PSD3: variants seen among roughly 807,000 people sequenced by gnomAD.
PSD3 encodes the protein pleckstrin and Sec7 domain containing 3, also known as PH and SEC7 domain-containing protein 3.
In PSD3, 49 loss-of-function variants were observed where a neutral mutation model predicts 105.5. The observed-to-expected ratio is 0.46, with a 90% CI of 0.37 to 0.59. The LOEUF is 0.59. Among genes scored for constraint, PSD3 ranks in the 20% least tolerant of loss-of-function variants. The pLI is 0.00. For missense variants in PSD3, 1,561 were observed against 1,263.8 expected, an observed-to-expected ratio of 1.24 and a Z score of -3.57; for synonymous variants, 557 against 457.8, an observed-to-expected ratio of 1.22 and a Z score of -2.77.
At chr8:18,665,727 A>C (rs1799413930) in intron 9 of PSD3, among the ~76,000 whole-genome samples, 1 of 152,130 alleles carries the variant, frequency 6.6e-6, no homozygotes, top group South Asian at 2.1e-4. Flanking sequence ...CGTGCATGCC[A>C]ATGGTCTCAG....
chr8:18,933,827 G>C (rs1821903004), intron 2 of PSD3, among the ~76,000 whole-genome samples: 1 of 152,132 alleles, frequency 6.6e-6, no homozygotes, highest in African/African-American at 2.4e-5. Flanking sequence ...GTCAGGGAAA[G>C]AGTAAACAGA....
At chr8:18,747,196 A>G (rs557440097) in intron 9 of PSD3, among the ~76,000 whole-genome samples, 1 of 152,396 alleles carries the variant, frequency 6.6e-6, no homozygotes, top group South Asian at 2.1e-4. Flanking sequence ...GCCTTTTCAT[A>G]AAAATGTATG....
chr8:18,852,076 T>C (rs79119483), intron 4 of PSD3, among the ~76,000 whole-genome samples: 2 of 152,148 alleles, frequency 1.3e-5, no homozygotes, highest in African/African-American at 4.8e-5. Flanking sequence ...TTATAAAGTA[T>C]AACAAGATTC....
intron 1 of PSD3, among the ~76,000 whole-genome samples, chr8:18,993,398 G>C: frequency 6.7e-6 from 1 of 149,508 alleles, no homozygotes; most frequent in East Asian, 1.9e-4. Context: ...AATTCTCAGA[G>C]TCTCATTGTT....
At chr8:18,557,069 G>A (rs1312894007) in intron 14 of PSD3, among the ~76,000 whole-genome samples, 1 of 152,118 alleles carries the variant, frequency 6.6e-6, no homozygotes, top group East Asian at 1.9e-4. Context: ...CATTCTAAGG[G>A]TACCATTTAT....
At chr8:18,873,640 A>G (rs1003354574) in intron 2 of PSD3, among the ~76,000 whole-genome samples, 1 of 152,124 alleles carries the variant, frequency 6.6e-6, no homozygotes, top group African/African-American at 2.4e-5. Context: ...ATTGTTATTA[A>G]CTATAGTCAC....
chr8:18,822,929 A>G (rs1563313918), intron 4 of PSD3, among the ~76,000 whole-genome samples: 1 of 151,866 alleles, frequency 6.6e-6, no homozygotes, highest in Non-Finnish European at 1.5e-5. Context: ...GCACTACCTC[A>G]CTCCCATCCA....
chr8:18,586,991 G>A (rs1803238113), intron 12 of PSD3, among the ~76,000 whole-genome samples: 1 of 152,210 alleles, frequency 6.6e-6, no homozygotes, highest in Non-Finnish European at 1.5e-5. Flanking sequence ...CTGTTACACA[G>A]GAGGCCAAAT....
At chr8:18,587,714 T>C (rs1803293804) in intron 12 of PSD3, among the ~76,000 whole-genome samples, 1 of 152,176 alleles carries the variant, frequency 6.6e-6, no homozygotes, top group Non-Finnish European at 1.5e-5. Context: ...ATTCATCTCA[T>C]TGCTTAGTGA....
At chr8:18,573,239 G>C (rs1271728025) in intron 13 of PSD3, among the ~76,000 whole-genome samples, 1 of 152,198 alleles carries the variant, frequency 6.6e-6, no homozygotes, top group Non-Finnish European at 1.5e-5. Context: ...GGAAGCCGAG[G>C]TGGGCAGATC....
At position 18,873,904 on chromosome 8, in the gene PSD3, C is replaced by G. The variant is rs1481642901; in HGVS notation, c.131-1171G>C. ...ATTAGTATATATTCACTATATTGAACCAAATTTATAATATTTTCTTGTTAA... is the reference window on the plus strand; with the variant it reads ...ATTAGTATATATTCACTATATTGAAGCAAATTTATAATATTTTCTTGTTAA... On this transcript the variant is annotated intron_variant, in intron 2 of 15. Coordinates refer to ENST00000327040, the MANE Select transcript of PSD3 (RefSeq NM_015310.4). Among the ~76,000 whole-genome samples, 3 of 152,116 alleles carry G rather than the reference C, an allele frequency of 2.0e-5. No individual in the cohort carries two copies. In the East Asian group the frequency reaches 5.8e-4, roughly 29 times the overall value.
intron 4 of PSD3, among the ~76,000 whole-genome samples, chr8:18,838,802 AAAT>A (rs55792203): frequency 0.15 from 19,284 of 131,622 alleles, 1,348 homozygotes; most frequent in African/African-American, 0.17. Flanking sequence ...ACTCCGTCTC[AAAT>A]AATAATAATA....
intron 9 of PSD3, among the ~76,000 whole-genome samples, chr8:18,695,810 G>C (rs922484732): frequency 1.8e-4 from 28 of 152,172 alleles, no homozygotes; most frequent in African/African-American, 6.5e-4. Flanking sequence ...CAGAAACTTG[G>C]AACAGATGAG....
chr8:19,037,602 T>C (rs1827986952), intron 1 of PSD3, among the ~76,000 whole-genome samples: 3 of 152,190 alleles, frequency 2.0e-5, no homozygotes, highest in Admixed American at 2.0e-4. Flanking sequence ...TGAATGGCCA[T>C]CGTCCAGTTT....
chr8:19,010,192 C>A (rs1586623837), intron 1 of PSD3, among the ~76,000 whole-genome samples: 1 of 152,088 alleles, frequency 6.6e-6, no homozygotes, highest in Non-Finnish European at 1.5e-5. Context: ...CTGCCATGGC[C>A]GCAGCCTGAC....
intron 4 of PSD3, among the ~76,000 whole-genome samples, chr8:18,863,595 T>C (rs1380492251): frequency 2.0e-5 from 3 of 152,208 alleles, no homozygotes; most frequent in Non-Finnish European, 4.4e-5. Context: ...AATTGCAGTA[T>C]TGCCATTGAA....
chr8:18,646,388 T>A (rs920779160), intron 10 of PSD3, among the ~76,000 whole-genome samples: 1 of 151,972 alleles, frequency 6.6e-6, no homozygotes, highest in Non-Finnish European at 1.5e-5. Flanking sequence ...TAGTAAGTCA[T>A]TGCAAAAAAA....
intron 12 of PSD3, among the ~76,000 whole-genome samples, chr8:18,586,074 C>A (rs1201649434): frequency 2.6e-5 from 4 of 152,160 alleles, no homozygotes; most frequent in African/African-American, 7.2e-5. Context: ...GCTGCCGACA[C>A]TGTGCCCATG....
intron 11 of PSD3, among the ~76,000 whole-genome samples, chr8:18,608,462 A>G (rs1805025217): frequency 6.6e-6 from 1 of 152,164 alleles, no homozygotes; most frequent in African/African-American, 2.4e-5. Flanking sequence ...TGAAGACCAC[A>G]TTTCTGCAAT....
Sources: gnomAD v4.1 joint callset for allele counts (sites outside exome capture counted in the v4.1 genomes callset) on GRCh38, gnomAD v4.1.1 for gene constraint, MANE v1.5 for transcripts, NCBI Gene and HGNC (gene_info 2026-07-23, HGNC 2026-07-21) for gene names.